The following SGK1 variants were observed in gnomAD, a reference collection of about 807,000 sequenced individuals.
SGK1 encodes the protein serine/threonine-protein kinase Sgk1.
Under a neutral mutation model 64.2 loss-of-function variants are expected in SGK1, and 26 were observed. That is an observed-to-expected ratio of 0.40 (90% CI 0.30 to 0.56). SGK1 has a LOEUF of 0.56. SGK1 is among the 20% of genes least tolerant of loss of function. The pLI is 0.38. For missense variants in SGK1, 519 were observed against 645.6 expected (o/e 0.80, Z 2.12); for synonymous variants, 265 against 239.7 (o/e 1.11, Z -0.98).
intron 3 of SGK1, chr6:134,174,915 G>A (rs1775173085): frequency 2.6e-6 from 4 of 1,549,574 alleles, no homozygotes; most frequent in Non-Finnish European, 2.6e-6. Context: ...CGCGGGGGCG[G>A]GGCCTGCGCG....
chr6:134,237,058 C>CTTTTTT (rs56379518), intron 2 of SGK1, among the ~76,000 whole-genome samples: 7 of 138,378 alleles, frequency 5.1e-5, no homozygotes, highest in Middle Eastern at 3.7e-3. Context: ...TTTTCTTTTT[C>CTTTTTT]TTTTTTTTTT....
chr6:134,232,509 G>C (rs889219563), intron 2 of SGK1, among the ~76,000 whole-genome samples: 1 of 149,980 alleles, frequency 6.7e-6, no homozygotes, highest in Non-Finnish European at 1.5e-5. Context: ...AGAAAGAAGA[G>C]GGAGGGAGGG....
chr6:134,297,229 T>G (rs1285972979), intron 1 of SGK1: 1 of 1,042,178 alleles, frequency 9.6e-7, no homozygotes, highest in African/African-American at 1.6e-5. Flanking sequence ...AGCCGGCATT[T>G]CTAGCCCTCC....
intron 1 of SGK1, among the ~76,000 whole-genome samples, chr6:134,303,528 CT>C (rs1428245566): frequency 6.6e-6 from 1 of 151,850 alleles, no homozygotes; most frequent in Non-Finnish European, 1.5e-5. Context: ...CCTTAATGTT[CT>C]TCTCCTGTAA....
At chr6:134,189,964 C>T (rs1488224020) in intron 3 of SGK1, among the ~76,000 whole-genome samples, 2 of 152,164 alleles carry the variant, frequency 1.3e-5, no homozygotes, top group Non-Finnish European at 2.9e-5. Context: ...ATTCTCTTGC[C>T]TCAGCCTCCT....
intron 2 of SGK1, among the ~76,000 whole-genome samples, chr6:134,225,949 A>G (rs1350317256): frequency 6.6e-6 from 1 of 151,760 alleles, no homozygotes; most frequent in African/African-American, 2.4e-5. Context: ...AAAACAAAAA[A>G]ACACCCAAAT....
At chr6:134,269,964 C>A (rs1235675897) in intron 1 of SGK1, among the ~76,000 whole-genome samples, 1 of 147,168 alleles carries the variant, frequency 6.8e-6, no homozygotes, top group Non-Finnish European at 1.5e-5. Flanking sequence ...TTTTGTTGAC[C>A]AGGCTGGAGC....
chr6:134,254,127 T>TTTTTTA (rs1562265566), intron 2 of SGK1, among the ~76,000 whole-genome samples: 2 of 128,418 alleles, frequency 1.6e-5, no homozygotes, highest in African/African-American at 5.9e-5. Context: ...TTTTTTTTTT[T>TTTTTTA]CAAAAAAAAA....
chr6:134,192,595 C>T (rs1363382730), intron 3 of SGK1, among the ~76,000 whole-genome samples: 3 of 151,632 alleles, frequency 2.0e-5, no homozygotes, highest in Non-Finnish European at 2.9e-5. Flanking sequence ...CACCTCCATC[C>T]ATCCCCCCTC....
At chr6:134,267,459 G>A (rs976066433) in intron 1 of SGK1, among the ~76,000 whole-genome samples, 2 of 151,632 alleles carry the variant, frequency 1.3e-5, no homozygotes, top group African/African-American at 2.4e-5. Flanking sequence ...CACCACGTTC[G>A]GCTATTTATT....
intron 3 of SGK1, among the ~76,000 whole-genome samples, chr6:134,202,539 G>C (rs1201066957): frequency 6.6e-6 from 1 of 152,104 alleles, no homozygotes; most frequent in Non-Finnish European, 1.5e-5. Flanking sequence ...TACTTGGGAG[G>C]CTGAGACAGG....
intron 2 of SGK1, among the ~76,000 whole-genome samples, chr6:134,217,286 G>A (rs1018045640): frequency 6.6e-6 from 1 of 152,208 alleles, no homozygotes; most frequent in Admixed American, 6.5e-5. Flanking sequence ...CAGGCAGATG[G>A]TCATAGAGGG....
At chr6:134,220,289 G>C (rs1469479019) in intron 2 of SGK1, among the ~76,000 whole-genome samples, 1 of 152,050 alleles carries the variant, frequency 6.6e-6, no homozygotes, top group East Asian at 1.9e-4. Flanking sequence ...TTTGTGGCTA[G>C]AAGATATTTA....
At chr6:134,234,290 C>T (rs1215730655) in intron 2 of SGK1, among the ~76,000 whole-genome samples, 1 of 151,966 alleles carries the variant, frequency 6.6e-6, no homozygotes, top group Non-Finnish European at 1.5e-5. Context: ...GTAATCCCAA[C>T]TACTCAGGAG....
At chr6:134,265,815 C>A (rs1401839801) in intron 1 of SGK1, among the ~76,000 whole-genome samples, 2 of 150,530 alleles carry the variant, frequency 1.3e-5, no homozygotes, top group South Asian at 2.1e-4. Flanking sequence ...ATATACATTT[C>A]TTTAAAAAAT....
intron 1 of SGK1, among the ~76,000 whole-genome samples, chr6:134,315,497 C>T (rs1777668587): frequency 6.7e-6 from 1 of 149,178 alleles, no homozygotes; most frequent in Non-Finnish European, 1.5e-5. Flanking sequence ...TATTGGTAAA[C>T]TTGCTTTTAA....
chr6:134,171,948 A>G (rs1365014270), intron 10 of SGK1: 5 of 625,634 alleles, frequency 8.0e-6, no homozygotes, highest in Non-Finnish European at 1.4e-5. Flanking sequence ...GATATCTCTT[A>G]CTTAGGGATT....
chr6:134,170,386 G>A lies in SGK1; in HGVS notation c.1463C>T (p.Pro488Leu), dbSNP rs1162721678. 1 of 1,614,078 alleles carries A rather than the reference G, an allele frequency of 6.2e-7. No individual in the cohort carries two copies. The highest frequency in any genetic ancestry group is 1.7e-5 in the Admixed American group (1 of 60,016). The change falls in exon 14 of 14, where the codon CCT (proline) becomes CTT (leucine). Residue 488 changes from proline (P) to leucine (L), a missense_variant. By Grantham distance (98) the Pro-to-Leu change is moderately conservative. Transcript: ENST00000367858. The stretch of plus-strand genomic sequence containing the variant: ...GGACTTGCCAATGGAGTTGGGGACA[G>A]GCTCTTCGGTAAACTCGGGGTCAAA... ...RHFDPEFTEE[P>L]VPNSIGKSPD... is the part of the protein sequence containing the mutation.
At chr6:134,299,867 T>C (rs1175619793) in intron 1 of SGK1, among the ~76,000 whole-genome samples, 1 of 151,544 alleles carries the variant, frequency 6.6e-6, no homozygotes, top group Non-Finnish European at 1.5e-5. Context: ...TAAAGCATGT[T>C]AGCATCACCT....
Sources: gnomAD v4.1 joint callset for allele counts (sites outside exome capture counted in the v4.1 genomes callset) on GRCh38, gnomAD v4.1.1 for gene constraint, MANE v1.5 for transcripts, NCBI Gene and HGNC (gene_info 2026-07-23, HGNC 2026-07-21) for gene names.